Variants in VMP1 observed in about 807,000 individuals in gnomAD.
The protein encoded by VMP1 is ectopic P-granules autophagy protein 3 homolog.
Under a neutral mutation model 56.0 loss-of-function variants are expected in VMP1, and 11 were observed. That is an observed-to-expected ratio of 0.20 (90% CI 0.12 to 0.32). The LOEUF is 0.32. Ranked by LOEUF, VMP1 falls within the 10% of genes least tolerant of loss-of-function variation. The probability of loss-of-function intolerance (pLI) is 1.00; values close to 1 mark genes in which losing one functional copy is unlikely to be tolerated. For missense variants in VMP1, 296 were observed against 490.3 expected, an observed-to-expected ratio of 0.60 and a Z score of 3.74; for synonymous variants, 149 against 165.0, an observed-to-expected ratio of 0.90 and a Z score of 0.74.
intron 10 of VMP1, among the ~76,000 whole-genome samples, chr17:59,827,987 G>A (rs2038695590): frequency 6.8e-6 from 1 of 146,638 alleles, no homozygotes; most frequent in Non-Finnish European, 1.5e-5. Flanking sequence ...TGTAGTTCCA[G>A]CTACTTGGGA....
intron 7 of VMP1, among the ~76,000 whole-genome samples, chr17:59,788,578 C>T (rs950902112): frequency 2.0e-5 from 3 of 151,694 alleles, no homozygotes; most frequent in South Asian, 2.1e-4. Flanking sequence ...CCGAGGTGAG[C>T]GGATCACCTG....
At chr17:59,824,945 G>A (rs921851418) in intron 10 of VMP1, among the ~76,000 whole-genome samples, 3 of 151,524 alleles carry the variant, frequency 2.0e-5, no homozygotes, top group African/African-American at 7.3e-5. Flanking sequence ...TTGGGAGGCC[G>A]AGGCAGATGG....
At chr17:59,790,251 T>G (rs974774840) in intron 7 of VMP1, among the ~76,000 whole-genome samples, 3 of 152,220 alleles carry the variant, frequency 2.0e-5, no homozygotes, top group Non-Finnish European at 2.9e-5. Flanking sequence ...ACTATCATGC[T>G]TTTAAACTAA....
At chr17:59,770,985 A>G (rs1413051282) in intron 6 of VMP1, among the ~76,000 whole-genome samples, 1 of 150,530 alleles carries the variant, frequency 6.6e-6, no homozygotes, top group Non-Finnish European at 1.5e-5. Flanking sequence ...GAGTTGATAA[A>G]TTGTGTTTTT....
intron 5 of VMP1, among the ~76,000 whole-genome samples, chr17:59,763,231 T>C (rs1290544930): frequency 6.6e-6 from 1 of 152,086 alleles, no homozygotes; most frequent in Non-Finnish European, 1.5e-5. Flanking sequence ...ATTCTGAATA[T>C]CACAAACTTT....
chr17:59,775,769 T>C (rs760148573), intron 7 of VMP1, among the ~76,000 whole-genome samples: 1 of 152,192 alleles, frequency 6.6e-6, no homozygotes, highest in Non-Finnish European at 1.5e-5. Context: ...CAGAAAAATA[T>C]TAAATGCTAG....
At chr17:59,775,160 G>T (rs1292737636) in intron 7 of VMP1, among the ~76,000 whole-genome samples, 2 of 152,202 alleles carry the variant, frequency 1.3e-5, no homozygotes, top group Middle Eastern at 6.8e-3. Flanking sequence ...TAGCCAGGAT[G>T]GTCTTGATCT....
chr17:59,739,549 C>T (rs907673334), intron 5 of VMP1, among the ~76,000 whole-genome samples: 3 of 150,628 alleles, frequency 2.0e-5, no homozygotes, highest in African/African-American at 7.3e-5. Context: ...ATGGTGAAAC[C>T]CTGTCTCTAC....
chr17:59,721,735 A>AAAACG (rs2034405353), intron 1 of VMP1, among the ~76,000 whole-genome samples: 1 of 152,176 alleles, frequency 6.6e-6, no homozygotes, highest in Non-Finnish European at 1.5e-5. Flanking sequence ...AAAACAAAAC[A>AAAACG]AAACAAAACA....
At chr17:59,759,328 C>G (rs1316389030) in intron 5 of VMP1, among the ~76,000 whole-genome samples, 1 of 152,054 alleles carries the variant, frequency 6.6e-6, no homozygotes, top group African/African-American at 2.4e-5. Flanking sequence ...GAGCCAGGAT[C>G]GTGCCATTGC....
chr17:59,710,997 C>T (rs1285665435), intron 1 of VMP1, among the ~76,000 whole-genome samples: 3 of 151,878 alleles, frequency 2.0e-5, no homozygotes, highest in East Asian at 1.9e-4. Context: ...CGTTTGAACC[C>T]GGGAGGCGGA....
intron 10 of VMP1, among the ~76,000 whole-genome samples, chr17:59,821,677 C>T (rs557434305): frequency 1.3e-5 from 2 of 151,768 alleles, no homozygotes; most frequent in East Asian, 1.9e-4. Flanking sequence ...CTCAGCCTCC[C>T]GAGCAGCTGG....
At chr17:59,808,673 T>G in intron 7 of VMP1, 123 bp from the exon 8 acceptor site, 1 of 712,090 alleles carries the variant, frequency 1.4e-6, no homozygotes, top group Non-Finnish European at 2.3e-6. Context: ...CTGTAATTTT[T>G]TTCATCATTC....
intron 1 of VMP1, among the ~76,000 whole-genome samples, chr17:59,712,331 T>C (rs1275896610): frequency 6.6e-6 from 1 of 152,236 alleles, no homozygotes; most frequent in African/African-American, 2.4e-5. Context: ...ATATGTGAGA[T>C]TCTTAACCAA....
intron 7 of VMP1, among the ~76,000 whole-genome samples, chr17:59,777,588 G>A (rs1051167064): frequency 5.9e-5 from 9 of 152,008 alleles, no homozygotes; most frequent in Non-Finnish European, 1.2e-4. Context: ...GAGGTGGGTG[G>A]ATCACCTACG....
chr17:59,770,785 T>G (rs754088383), intron 6 of VMP1, among the ~76,000 whole-genome samples: 10 of 152,192 alleles, frequency 6.6e-5, no homozygotes, highest in Admixed American at 2.0e-4. Context: ...TTTCACAATG[T>G]TGGTCAGACT....
intron 10 of VMP1, among the ~76,000 whole-genome samples, chr17:59,824,734 G>A (rs1051570205): frequency 9.2e-5 from 14 of 151,576 alleles, no homozygotes; most frequent in Admixed American, 1.3e-4. Flanking sequence ...TTAGCCAAGC[G>A]TGGTGATGGG....
At chr17:59,771,379 G>A (rs545366291) in intron 6 of VMP1, among the ~76,000 whole-genome samples, 143 of 151,790 alleles carry the variant, frequency 9.4e-4, no homozygotes, top group African/African-American at 3.1e-3. Flanking sequence ...TGCCCAGGCC[G>A]GTTTTAAACT....
At position 59,736,402 on chromosome 17, in the gene VMP1, C is replaced by CA. The variant is rs35085705; in HGVS notation, c.212+943dup. Among the ~76,000 whole-genome samples, 8 of 141,698 alleles carry CA rather than the reference C, an allele frequency of 5.6e-5. No individual in the cohort carries two copies. The East Asian group carries it at 1.0e-3, about 18-fold the overall frequency. The allele number at this position is 141,698 out of a possible 152,430, so 93.0% of individuals were successfully genotyped here. A position where few individuals can be genotyped will look rare whatever the true frequency, so the allele number is the denominator to read the frequency against. On this transcript the variant is annotated intron_variant, in intron 3 of 11. Coordinates refer to ENST00000262291, the MANE Select transcript of VMP1 (RefSeq NM_030938.5). Reference sequence around the variant, plus strand: ...TGGGCAACAGAACGATACTCTGTCTCAAAAAAAAAAAAAATTAGCCGGTCG... The same window carrying CA: ...TGGGCAACAGAACGATACTCTGTCTCAAAAAAAAAAAAAAATTAGCCGGTCG...
Sources: gnomAD v4.1 joint callset for allele counts (sites outside exome capture counted in the v4.1 genomes callset) on GRCh38, gnomAD v4.1.1 for gene constraint, MANE v1.5 for transcripts, NCBI Gene and HGNC (gene_info 2026-07-23, HGNC 2026-07-21) for gene names.